MAN2A1: variants seen among roughly 807,000 people sequenced by gnomAD.
The protein encoded by MAN2A1 is alpha-mannosidase 2.
A neutral mutation model predicts 142.6 loss-of-function variants in MAN2A1; 76 were observed. The ratio of observed to expected loss-of-function variants is 0.53; its 90% CI spans 0.44 to 0.65. The LOEUF (loss-of-function observed/expected upper bound fraction) is 0.65, where lower values mean the gene tolerates loss of function less well. Among genes scored for constraint, MAN2A1 ranks in the 30% least tolerant of loss-of-function variants. MAN2A1 has a pLI of 0.00. For missense variants in MAN2A1, 1,311 were observed against 1,365.1 expected (o/e 0.96, Z 0.62); for synonymous variants, 559 against 473.2 (o/e 1.18, Z -2.35).
At chr5:109,833,667 A>G (rs1490428975) in intron 16 of MAN2A1, among the ~76,000 whole-genome samples, 1 of 80,312 alleles carries the variant, frequency 1.2e-5, no homozygotes, top group African/African-American at 5.0e-5. Flanking sequence ...GTGGAGAGAG[A>G]GGGAGAGGGA....
chr5:109,830,627 A>AT (rs573114455), intron 16 of MAN2A1, among the ~76,000 whole-genome samples: 122 of 152,246 alleles, frequency 8.0e-4, no homozygotes, highest in Middle Eastern at 3.4e-3. Context: ...TCAATCTCTC[A>AT]TTTTTTTCCA....
chr5:109,736,854 A>G (rs1297990755), intron 4 of MAN2A1, among the ~76,000 whole-genome samples: 1 of 152,094 alleles, frequency 6.6e-6, no homozygotes, highest in Non-Finnish European at 1.5e-5. Context: ...AGTCCACTTA[A>G]TAAGTTCATC....
chr5:109,860,641 C>T (rs548277447), intron 20 of MAN2A1, among the ~76,000 whole-genome samples: 5 of 152,206 alleles, frequency 3.3e-5, no homozygotes, highest in East Asian at 1.9e-4. Flanking sequence ...TCTTTTGGTG[C>T]GAGAGAGGAA....
chr5:109,846,734 C>T (rs183939080), intron 18 of MAN2A1, among the ~76,000 whole-genome samples: 1 of 152,266 alleles, frequency 6.6e-6, no homozygotes, highest in Admixed American at 6.5e-5. Context: ...GACACAAGCC[C>T]ACTTTTTACA....
chr5:109,789,983 C>T (rs1753695713), intron 12 of MAN2A1, among the ~76,000 whole-genome samples: 1 of 151,704 alleles, frequency 6.6e-6, no homozygotes, highest in African/African-American at 2.4e-5. Context: ...GTGAAACAGC[C>T]TTGTTTTAGC....
rs1260694351 is a variant in MAN2A1, at chr5:109,819,798, A to G, written c.2239A>G (p.Thr747Ala). The part of the protein sequence containing the change: ...KNKVEDSGIF[T>A]IKNMINTEEG... ...TAAAGTAGAAGATAGCGGAATTTTC[A>G]CCATAAAGAATATGATAAATACTGA... The change falls in exon 14 of 22, where the codon ACC becomes GCC. Residue 747 changes from threonine (T) to alanine (A), a missense_variant. This residue lies in a region of MAN2A1 where 890 missense variants were observed against 920.5 expected (regional missense o/e 0.97). Transcript: ENST00000261483. The G allele has an allele frequency of 6.2e-7, 1 of 1,610,562 alleles. No homozygotes were observed. Among genetic ancestry groups the G allele is most frequent in the East Asian group, 2.2e-5 (1 of 44,808 alleles).
intron 8 of MAN2A1, among the ~76,000 whole-genome samples, chr5:109,779,300 G>C (rs2068964): frequency 0.38 from 57,976 of 151,812 alleles, 11,946 homozygotes; most frequent in African/African-American, 0.55. Flanking sequence ...TTTTCAAAGG[G>C]TATACTTTAT....
chr5:109,731,965 T>G (rs1164138203), intron 4 of MAN2A1, among the ~76,000 whole-genome samples: 3 of 152,112 alleles, frequency 2.0e-5, no homozygotes. Context: ...TGAACTAGTT[T>G]ACAGTCCCAC....
At chr5:109,773,144 A>G (rs1471073571) in intron 7 of MAN2A1, among the ~76,000 whole-genome samples, 3 of 152,188 alleles carry the variant, frequency 2.0e-5, no homozygotes, top group Non-Finnish European at 4.4e-5. Flanking sequence ...TATATTTACC[A>G]TATTACCATT....
chr5:109,836,990 T>A (rs1002026602), intron 16 of MAN2A1, among the ~76,000 whole-genome samples: 2 of 151,682 alleles, frequency 1.3e-5, no homozygotes, highest in Non-Finnish European at 2.9e-5. Context: ...GAGAGACAGT[T>A]ACCTCATTCT....
At chr5:109,787,429 G>GA (rs1753622801) in intron 10 of MAN2A1, among the ~76,000 whole-genome samples, 1 of 151,860 alleles carries the variant, frequency 6.6e-6, no homozygotes, top group African/African-American at 2.4e-5. Context: ...TAGAGGCCCT[G>GA]AAAAAAATCC....
At chr5:109,820,826 A>G (rs1331504561) in intron 15 of MAN2A1, among the ~76,000 whole-genome samples, 2 of 152,118 alleles carry the variant, frequency 1.3e-5, no homozygotes. Context: ...TTAGAGTTGG[A>G]ATTTGTTAAG....
chr5:109,766,445 C>G (rs1385235891), intron 5 of MAN2A1, among the ~76,000 whole-genome samples: 1 of 152,120 alleles, frequency 6.6e-6, no homozygotes, highest in Non-Finnish European at 1.5e-5. Flanking sequence ...TGAGTTTTGA[C>G]TGTATACTCT....
intron 21 of MAN2A1, 82 bp downstream of exon 21, chr5:109,865,228 T>C (rs1755850672): frequency 1.0e-5 from 10 of 977,622 alleles, no homozygotes; most frequent in Non-Finnish European, 1.6e-5. Flanking sequence ...AATAAGATCA[T>C]GTTTCATTGC....
intron 10 of MAN2A1, among the ~76,000 whole-genome samples, chr5:109,785,800 CA>C (rs1753581329): frequency 6.6e-6 from 1 of 151,892 alleles, no homozygotes; most frequent in South Asian, 2.1e-4. Flanking sequence ...TACTGTTTAT[CA>C]GCAGTGTTGT....
chr5:109,762,817 A>G (rs1307617136), intron 5 of MAN2A1, among the ~76,000 whole-genome samples: 1 of 152,216 alleles, frequency 6.6e-6, no homozygotes, highest in Admixed American at 6.5e-5. Context: ...TTAGAGGTAT[A>G]ATTGTCAAAA....
At chr5:109,782,453 C>T (rs1246264276) in intron 9 of MAN2A1, among the ~76,000 whole-genome samples, 2 of 152,140 alleles carry the variant, frequency 1.3e-5, no homozygotes, top group Non-Finnish European at 2.9e-5. Context: ...TCCTAAGTAA[C>T]TAACGGAGGC....
At chr5:109,742,051 AT>A (rs1229302720) in intron 4 of MAN2A1, among the ~76,000 whole-genome samples, 1 of 152,234 alleles carries the variant, frequency 6.6e-6, no homozygotes, top group Non-Finnish European at 1.5e-5. Context: ...TTTATAATAC[AT>A]CAAAATGTGA....
At chr5:109,812,184 T>C (rs1754338269) in intron 12 of MAN2A1, among the ~76,000 whole-genome samples, 1 of 152,156 alleles carries the variant, frequency 6.6e-6, no homozygotes, top group South Asian at 2.1e-4. Flanking sequence ...AATAATCTTG[T>C]TTCCCGATTT....
Sources: allele counts gnomAD v4.1 joint callset (sites outside exome capture counted in the v4.1 genomes callset), GRCh38; gene constraint gnomAD v4.1.1; regional missense constraint gnomAD v4.1.1; transcripts MANE v1.5; gene names NCBI Gene and HGNC (gene_info 2026-07-23, HGNC 2026-07-21).